Variants in AIG1 observed in about 807,000 individuals in gnomAD.
AIG1 encodes androgen induced 1.
In AIG1, 23 loss-of-function variants were observed where a neutral mutation model predicts 31.4. That is an observed-to-expected ratio of 0.73 (90% CI 0.53 to 1.04). The LOEUF (loss-of-function observed/expected upper bound fraction) is 1.04, where lower values mean the gene tolerates loss of function less well. Ranked by LOEUF, AIG1 falls within the 50% of genes least tolerant of loss-of-function variation. The probability of loss-of-function intolerance (pLI) is 0.00; values close to 1 mark genes in which losing one functional copy is unlikely to be tolerated. For missense variants in AIG1, 274 were observed against 295.0 expected, an observed-to-expected ratio of 0.93 and a Z score of 0.52; for synonymous variants, 100 against 110.5, an observed-to-expected ratio of 0.90 and a Z score of 0.60.
At chr6:143,098,364 T>A (rs532382674) in intron 1 of AIG1, among the ~76,000 whole-genome samples, 4 of 152,218 alleles carry the variant, frequency 2.6e-5, no homozygotes, top group Non-Finnish European at 5.9e-5. Flanking sequence ...AAAACTTGGA[T>A]TCTGGGAAGT....
rs186477275 is a variant in AIG1, at chr6:143,335,168, C to T, written c.679+1723C>T. 3.3e-5 allele frequency: 44 copies of T among 1,324,414 alleles called. No homozygotes were observed. In the African/African-American group the frequency reaches 5.9e-4, roughly 18 times the overall value. 82.0% of individuals were successfully genotyped at this position (1,324,414 alleles called of 1,614,324 possible). A position where few individuals can be genotyped will look rare whatever the true frequency, so the allele number is the denominator to read the frequency against. ...GAGGGGTCACAAACTGCTGGCCTCC[C>T]CCAACTTCTACCTATCAAGTTCTGT... On this transcript the variant is annotated intron_variant, in intron 5 of 5. Coordinates refer to ENST00000357847, the MANE Select transcript of AIG1 (RefSeq NM_016108.4).
At chr6:143,190,705 C>T (rs1057211759) in intron 3 of AIG1, 1 of 701,388 alleles carries the variant, frequency 1.4e-6, no homozygotes, top group African/African-American at 1.9e-5. Context: ...GGGATGTTGT[C>T]TTCTTTGCTT....
chr6:143,272,231 T>C (rs1398491235), intron 3 of AIG1, among the ~76,000 whole-genome samples: 1 of 152,172 alleles, frequency 6.6e-6, no homozygotes, highest in Non-Finnish European at 1.5e-5. Context: ...AGAGCTGACC[T>C]TATGGAATAG....
intron 1 of AIG1, among the ~76,000 whole-genome samples, chr6:143,122,861 C>T (rs1357413961): frequency 3.3e-5 from 5 of 152,092 alleles, no homozygotes. Context: ...GTGATCTACC[C>T]AAGCACCCTT....
chr6:143,169,654 T>C (rs1438930974), intron 3 of AIG1, among the ~76,000 whole-genome samples: 1 of 152,110 alleles, frequency 6.6e-6, no homozygotes, highest in African/African-American at 2.4e-5. Context: ...ACTACTTCTA[T>C]GAGCTCATCA....
chr6:143,292,737 G>A lies in AIG1; in HGVS notation c.515+8512G>A, dbSNP rs574401117. On this transcript the variant is annotated intron_variant, in intron 4 of 5. Transcript: ENST00000357847. The surrounding 1 kb of genome is among the most constrained non-coding windows in gnomAD (Gnocchi z 4.9). ...TCTATGGGCCTCAATTTCCTTATCC[G>A]AAACAAAAAAAGCATGATGATAGTG... is the stretch of plus-strand genomic sequence containing the variant. Among the ~76,000 whole-genome samples, 49 of 152,156 alleles carry A rather than the reference G, an allele frequency of 3.2e-4. No individual in the cohort carries two copies. The South Asian group carries it at 9.8e-3, about 30-fold the overall frequency.
At chr6:143,149,540 A>C (rs74320114) in intron 2 of AIG1, among the ~76,000 whole-genome samples, 1 of 150,212 alleles carries the variant, frequency 6.7e-6, no homozygotes, top group South Asian at 2.1e-4. Flanking sequence ...CTCAAAAAAA[A>C]AAAAAAAAAA....
chr6:143,266,132 G>A (rs1796134791), intron 3 of AIG1, among the ~76,000 whole-genome samples: 1 of 152,054 alleles, frequency 6.6e-6, no homozygotes, highest in South Asian at 2.1e-4. Flanking sequence ...GGTGGATCAC[G>A]AGGTCAGGAG....
intron 4 of AIG1, among the ~76,000 whole-genome samples, chr6:143,301,351 A>C (rs1032770381): frequency 6.6e-6 from 1 of 152,228 alleles, no homozygotes; most frequent in Non-Finnish European, 1.5e-5. Flanking sequence ...CACAAAGGCC[A>C]TCAGGTAGGT....
chr6:143,112,757 A>T (rs761229285), intron 1 of AIG1, among the ~76,000 whole-genome samples: 1 of 152,168 alleles, frequency 6.6e-6, no homozygotes, highest in African/African-American at 2.4e-5. Flanking sequence ...AACTCCTGGC[A>T]ACCCCATCAC....
intron 4 of AIG1, among the ~76,000 whole-genome samples, chr6:143,286,100 C>T (rs1366118530): frequency 1.4e-5 from 2 of 147,004 alleles, no homozygotes; most frequent in African/African-American, 2.5e-5. Flanking sequence ...ACTCTGGGAA[C>T]TCTAGGTATA....
At chr6:143,094,908 G>A (rs188070617) in intron 1 of AIG1, among the ~76,000 whole-genome samples, 1 of 152,266 alleles carries the variant, frequency 6.6e-6, no homozygotes, top group East Asian at 1.9e-4. Flanking sequence ...TATTGAAAAA[G>A]GTGTAGTCTC....
rs1440281745 is a variant in AIG1, at chr6:143,268,357, G to C, written c.400-15753G>C. On this transcript the variant is annotated intron_variant, in intron 3 of 5. Coordinates refer to ENST00000357847, the MANE Select transcript of AIG1 (RefSeq NM_016108.4). This position sits in a 1 kb window ranked among gnomAD's most constrained non-coding sequence, Gnocchi z 5.0. ...GTTCCCTGAGCCTCGAGTCTACGGG[G>C]ACCACAACTAGATGGTCTAACGTGT... 1.3e-5 allele frequency among the ~76,000 whole-genome samples: 2 copies of C among 152,086 alleles called. No homozygotes were observed. The highest frequency in any genetic ancestry group is 2.4e-5 in the African/African-American group (1 of 41,404).
chr6:143,266,854 T>C (rs1438908413), intron 3 of AIG1, among the ~76,000 whole-genome samples: 1 of 152,162 alleles, frequency 6.6e-6, no homozygotes. Context: ...AGTGGAAGGA[T>C]TGCTTGAGAC....
intron 1 of AIG1, among the ~76,000 whole-genome samples, chr6:143,123,305 A>G (rs1782397561): frequency 6.6e-6 from 1 of 152,244 alleles, no homozygotes; most frequent in African/African-American, 2.4e-5. Context: ...AGAGTCAGAC[A>G]CTTATAAAGT....
At chr6:143,319,193 C>A (rs1314204963) in intron 4 of AIG1, among the ~76,000 whole-genome samples, 1 of 152,148 alleles carries the variant, frequency 6.6e-6, no homozygotes, top group Non-Finnish European at 1.5e-5. Flanking sequence ...CATAGCAGCA[C>A]AATTCACAAC....
intron 3 of AIG1, chr6:143,187,513 T>A: frequency 1.3e-6 from 2 of 1,534,856 alleles, no homozygotes; most frequent in Non-Finnish European, 1.7e-6. Flanking sequence ...CTTACCACAT[T>A]TTTTAACCTG....
At chr6:143,234,637 G>T (rs956791932) in intron 3 of AIG1, among the ~76,000 whole-genome samples, 5 of 152,132 alleles carry the variant, frequency 3.3e-5, no homozygotes, top group South Asian at 4.2e-4. Context: ...GTGTTGTCTC[G>T]CTGGGGCTTC....
chr6:143,271,372 A>G (rs1225982747), intron 3 of AIG1, among the ~76,000 whole-genome samples: 1 of 152,200 alleles, frequency 6.6e-6, no homozygotes, highest in South Asian at 2.1e-4. Flanking sequence ...TGCTTTTTGC[A>G]TGAAGCAGGA....
Sources: allele counts gnomAD v4.1 joint callset (sites outside exome capture counted in the v4.1 genomes callset), GRCh38; gene constraint gnomAD v4.1.1; non-coding constraint Gnocchi (gnomAD v3.1); transcripts MANE v1.5; gene names NCBI Gene and HGNC (gene_info 2026-07-23, HGNC 2026-07-21).